The following HSF2BP variants were observed in gnomAD, a reference collection of about 807,000 sequenced individuals.
The protein encoded by HSF2BP is heat shock factor 2-binding protein.
HSF2BP carries 35 observed loss-of-function variants against 35.0 expected under a neutral mutation model. The ratio of observed to expected loss-of-function variants is 1.00; its 90% CI spans 0.76 to 1.32. The LOEUF (loss-of-function observed/expected upper bound fraction) is 1.32, where lower values mean the gene tolerates loss of function less well. HSF2BP is among the 40% of genes most tolerant of loss of function. The pLI is 0.00. For synonymous variants in HSF2BP, 114 were observed against 117.4 expected (o/e 0.97, Z 0.18); for missense variants, 326 against 321.7 (o/e 1.01, Z -0.10).
chr21:43,654,378 G>C (rs1330787176), intron 3 of HSF2BP, among the ~76,000 whole-genome samples: 1 of 152,208 alleles, frequency 6.6e-6, no homozygotes. Context: ...ACGTCTATTT[G>C]AACGTTGTAG....
At chr21:43,609,716 T>C (rs1360134508) in intron 7 of HSF2BP, among the ~76,000 whole-genome samples, 1 of 151,936 alleles carries the variant, frequency 6.6e-6, no homozygotes, top group African/African-American at 2.4e-5. Flanking sequence ...GCCTTGGAGA[T>C]GTGGTGAGAC....
At chr21:43,592,741 G>A (rs922364908) in intron 7 of HSF2BP, among the ~76,000 whole-genome samples, 12 of 152,134 alleles carry the variant, frequency 7.9e-5, no homozygotes, top group South Asian at 2.1e-4. Context: ...TGAACATTAC[G>A]CATGACATCC....
chr21:43,636,253 GAAAAGAAAAGAAAAGAAAAA>G lies in HSF2BP; in HGVS notation c.292-2852_292-2833del, dbSNP rs1291969338. 3.3e-4 allele frequency among the ~76,000 whole-genome samples: 32 copies of G among 95,768 alleles called. 1 individual carries two copies. The highest frequency in any genetic ancestry group is 1.6e-3 in the African/African-American group (31 of 19,336). The allele number at this position is 95,768 out of a possible 152,430, so 62.8% of individuals were successfully genotyped here. ...GAAAAGAAAAGAAAAGAAAAGAAAA[GAAAAGAAAAGAAAAGAAAAA>G]ACGAAGGGGAAAAAAAGAGAATCAT... On this transcript the variant is annotated intron_variant, in intron 4 of 8. Transcript: ENST00000291560.
intron 6 of HSF2BP, among the ~76,000 whole-genome samples, chr21:43,616,652 G>GA (rs1472121753): frequency 3.9e-5 from 6 of 151,970 alleles, no homozygotes; most frequent in Non-Finnish European, 8.8e-5. Flanking sequence ...TTAAAAAAAA[G>GA]AAAAAACACG....
At chr21:43,641,362 G>A (rs760762925) in intron 4 of HSF2BP, among the ~76,000 whole-genome samples, 7 of 152,010 alleles carry the variant, frequency 4.6e-5, no homozygotes, top group Non-Finnish European at 8.8e-5. Flanking sequence ...AAGTTCAAAC[G>A]TTGCTACTGC....
chr21:43,637,394 G>A (rs1164596359), intron 4 of HSF2BP, among the ~76,000 whole-genome samples: 21 of 152,112 alleles, frequency 1.4e-4, no homozygotes, highest in Admixed American at 1.4e-3. Context: ...TTTGCCTGGG[G>A]CTGTGCAAGA....
intron 7 of HSF2BP, among the ~76,000 whole-genome samples, chr21:43,593,702 C>T (rs949053679): frequency 6.6e-6 from 1 of 151,964 alleles, no homozygotes; most frequent in African/African-American, 2.4e-5. Flanking sequence ...ATGTAAAACT[C>T]AAGGGTAATT....
intron 6 of HSF2BP, among the ~76,000 whole-genome samples, chr21:43,614,296 G>A (rs2082244922): frequency 6.6e-6 from 1 of 151,192 alleles, no homozygotes; most frequent in South Asian, 2.1e-4. Context: ...CTAGGAGGTA[G>A]AGGCTGCAGT....
chr21:43,467,840 AC>A, the HSF2BP span, among the ~76,000 whole-genome samples: 300 of 123,758 alleles, frequency 2.4e-3, 4 homozygotes, highest in African/African-American at 8.6e-3. Context: ...CACACCACAC[AC>A]CACATACACA....
chr21:43,573,949 G>A (rs2081607918), intron 8 of HSF2BP, among the ~76,000 whole-genome samples: 1 of 152,216 alleles, frequency 6.6e-6, no homozygotes, highest in South Asian at 2.1e-4. Flanking sequence ...CATCTTGTCT[G>A]CATGGGACAA....
In HSF2BP at chr21:43,591,980, C is replaced by T. The variant is rs367680786; in HGVS notation, c.796+245G>A. 1.6e-4 allele frequency among the ~76,000 whole-genome samples: 24 copies of T among 152,208 alleles called. No homozygotes were observed. In the East Asian group the frequency reaches 3.7e-3, roughly 23 times the overall value. The stretch of plus-strand genomic sequence containing the variant: ...TAATGACCCTAAAGCACAAGAGTAG[C>T]GGTGCTGGCTTATTATTATAATTGT... On this transcript the variant is annotated intron_variant, in intron 8 of 8. Coordinates refer to ENST00000291560, the MANE Select transcript of HSF2BP (RefSeq NM_007031.2).
intron 5 of HSF2BP, 111 bp downstream of exon 5, chr21:43,633,161 A>C: frequency 8.3e-7 from 1 of 1,208,068 alleles, no homozygotes; most frequent in South Asian, 1.7e-5. Flanking sequence ...GAGTGAACAA[A>C]AGAAAATGGA....
chr21:43,603,448 T>C (rs2838329), intron 7 of HSF2BP, among the ~76,000 whole-genome samples: 102,923 of 152,116 alleles, frequency 0.68, 35,214 homozygotes, highest in East Asian at 0.79. Context: ...TACACAGAGA[T>C]GAAACAGACA....
chr21:43,594,550 A>G (rs909623446), intron 7 of HSF2BP, among the ~76,000 whole-genome samples: 13 of 152,248 alleles, frequency 8.5e-5, no homozygotes, highest in African/African-American at 2.9e-4. Context: ...TCACTGAAAG[A>G]AACAAGGGTA....
chr21:43,572,097 C>T (rs2146656891), intron 8 of HSF2BP, among the ~76,000 whole-genome samples: 1 of 152,296 alleles, frequency 6.6e-6, no homozygotes, highest in East Asian at 1.9e-4. Flanking sequence ...CCTGACTGGA[C>T]CTCCACAGTG....
chr21:43,646,227 C>T (rs2082707267), intron 3 of HSF2BP, among the ~76,000 whole-genome samples: 1 of 151,622 alleles, frequency 6.6e-6, no homozygotes, highest in Non-Finnish European at 1.5e-5. Context: ...ATCACAGTTT[C>T]ATTTTCTGCT....
chr21:43,637,826 A>T (rs988070720), intron 4 of HSF2BP, among the ~76,000 whole-genome samples: 8 of 151,896 alleles, frequency 5.3e-5, no homozygotes, highest in Admixed American at 5.2e-4. Flanking sequence ...AAAAGAAAGA[A>T]AAAAGGAACT....
chr21:43,495,792 G>A, the HSF2BP span, among the ~76,000 whole-genome samples: 2 of 107,438 alleles, frequency 1.9e-5, no homozygotes, highest in African/African-American at 3.5e-5. Context: ...CCGAAGCAGT[G>A]AAATTTTACA....
At chr21:43,613,288 G>T (rs2082232043) in intron 7 of HSF2BP, among the ~76,000 whole-genome samples, 1 of 152,132 alleles carries the variant, frequency 6.6e-6, no homozygotes, top group Non-Finnish European at 1.5e-5. Flanking sequence ...GGGAAACAGG[G>T]AACTCGCTCC....
Sources: allele counts gnomAD v4.1 joint callset (sites outside exome capture counted in the v4.1 genomes callset), GRCh38; gene constraint gnomAD v4.1.1; transcripts MANE v1.5; gene names NCBI Gene and HGNC (gene_info 2026-07-23, HGNC 2026-07-21).